Variants in TENM3 observed in about 807,000 individuals in gnomAD.
TENM3 encodes teneurin transmembrane protein 3.
In TENM3, 63 loss-of-function variants were observed where a neutral mutation model predicts 255.1. That is an observed-to-expected ratio of 0.25 (90% CI 0.20 to 0.30). The LOEUF (loss-of-function observed/expected upper bound fraction) is 0.30, where lower values mean the gene tolerates loss of function less well. Among genes scored for constraint, TENM3 ranks in the 10% least tolerant of loss-of-function variants. TENM3 has a pLI of 1.00. For missense variants in TENM3, 2,929 were observed against 3,461.1 expected (o/e 0.85, Z 3.86); for synonymous variants, 1,306 against 1,322.3 (o/e 0.99, Z 0.27).
chr4:182,218,854 T>C (rs181822568), intron 1 of TENM3, among the ~76,000 whole-genome samples: 2 of 152,356 alleles, frequency 1.3e-5, no homozygotes, highest in East Asian at 1.9e-4. Flanking sequence ...TATACTGATA[T>C]TAGTAAGAAA....
chr4:182,553,519 TAAAGTA>T (rs1029770669), intron 3 of TENM3, among the ~76,000 whole-genome samples: 3 of 151,302 alleles, frequency 2.0e-5, no homozygotes, highest in Non-Finnish European at 4.4e-5. Context: ...CCCTAGAACT[TAAAGTA>T]TAATAATAAT....
the TENM3 span, among the ~76,000 whole-genome samples, chr4:182,009,837 G>C: frequency 6.6e-6 from 1 of 152,194 alleles, no homozygotes; most frequent in East Asian, 1.9e-4. Flanking sequence ...CGGTGGCCTG[G>C]GTTCGCGAGT....
At chr4:181,979,097 CATATATATATATATATATATATATAT>C in the TENM3 span, among the ~76,000 whole-genome samples, 438 of 30,386 alleles carry the variant, frequency 0.014, 17 homozygotes, top group Admixed American at 0.022. Context: ...TTAAGCCTGA[CATATATATATATATATATATATATAT>C]ATATATATAT....
chr4:182,638,942 A>G (rs1752070128), intron 5 of TENM3, among the ~76,000 whole-genome samples: 1 of 152,236 alleles, frequency 6.6e-6, no homozygotes, highest in Admixed American at 6.5e-5. Flanking sequence ...AGATTACTGC[A>G]TATAATTTGT....
the TENM3 span, among the ~76,000 whole-genome samples, chr4:181,961,833 A>G: frequency 6.6e-6 from 1 of 152,156 alleles, no homozygotes; most frequent in African/African-American, 2.4e-5. Context: ...GAGTAAAGAT[A>G]TTGTTTGTTC....
chr4:182,657,218 A>T (rs960782427), intron 6 of TENM3, among the ~76,000 whole-genome samples: 2 of 152,140 alleles, frequency 1.3e-5, no homozygotes, highest in Non-Finnish European at 2.9e-5. Context: ...GAATAATAGT[A>T]CCTATCTCCT....
the TENM3 span, among the ~76,000 whole-genome samples, chr4:181,685,248 A>G: frequency 6.6e-6 from 1 of 152,136 alleles, no homozygotes; most frequent in African/African-American, 2.4e-5. Flanking sequence ...TTGCTCATTT[A>G]GTCCTAATGT....
Position 182,601,068 on chromosome 4 carries a change from C to T in TENM3, c.656C>T (p.Pro219Leu), listed in dbSNP as rs751685257. Residue 219 changes from proline to leucine, a missense_variant, in exon 4 of 28, where the codon CCG (proline) becomes CTG (leucine). Coordinates refer to ENST00000511685, the MANE Select transcript of TENM3 (RefSeq NM_001080477.4). ...AGAAGGAACCAGAGTCCGGCCCCGC[C>T]GGCTGCTTTGCCCGCCGAGCTGCAA... ...TNRRNQSPAP[P>L]AALPAELQTT... is the part of the protein sequence containing the mutation. The T allele has an allele frequency of 1.9e-5, 31 of 1,613,668 alleles. No homozygotes were observed. Among genetic ancestry groups the T allele is most frequent in the Admixed American group, 8.3e-5 (5 of 59,994 alleles).
At chr4:181,590,642 A>G in the TENM3 span, among the ~76,000 whole-genome samples, 4 of 152,246 alleles carry the variant, frequency 2.6e-5, no homozygotes, top group Admixed American at 2.6e-4. Context: ...AGTGAAGAAG[A>G]CACAGAAAAC....
chr4:181,471,120 A>C, the TENM3 span, among the ~76,000 whole-genome samples: 6 of 152,190 alleles, frequency 3.9e-5, no homozygotes, highest in Non-Finnish European at 5.9e-5. Flanking sequence ...TTATCTTATT[A>C]TCTTCCACAT....
At chr4:181,574,011 T>C in the TENM3 span, among the ~76,000 whole-genome samples, 5 of 152,178 alleles carry the variant, frequency 3.3e-5, no homozygotes, top group African/African-American at 9.7e-5. Context: ...GATGTATTCA[T>C]AAATCTTACA....
intron 1 of TENM3, among the ~76,000 whole-genome samples, chr4:182,220,404 T>G (rs1156686898): frequency 5.2e-5 from 4 of 77,386 alleles, no homozygotes; most frequent in South Asian, 5.0e-4. Flanking sequence ...AAAAAAAAAG[T>G]CGGCTTGATA....
intron 3 of TENM3, among the ~76,000 whole-genome samples, chr4:182,599,025 C>T (rs963095993): frequency 6.6e-6 from 1 of 152,080 alleles, no homozygotes; most frequent in Non-Finnish European, 1.5e-5. Flanking sequence ...TTACTTTTTC[C>T]TTGGAAACAT....
chr4:181,853,746 T>C, the TENM3 span, among the ~76,000 whole-genome samples: 1 of 151,770 alleles, frequency 6.6e-6, no homozygotes, highest in East Asian at 1.9e-4. Context: ...AAAGGAAATA[T>C]ACTGGGGGAA....
chr4:181,599,115 G>T, the TENM3 span, among the ~76,000 whole-genome samples: 34 of 152,184 alleles, frequency 2.2e-4, no homozygotes, highest in African/African-American at 7.9e-4. Context: ...CAAAAATATC[G>T]AGTTATCCCC....
chr4:181,928,527 T>A, the TENM3 span, among the ~76,000 whole-genome samples: 3 of 150,782 alleles, frequency 2.0e-5, no homozygotes, highest in Admixed American at 2.0e-4. Context: ...AATATGGGAC[T>A]ACGTGAAAAG....
chr4:181,498,589 G>T, the TENM3 span, among the ~76,000 whole-genome samples: 1 of 152,224 alleles, frequency 6.6e-6, no homozygotes, highest in Non-Finnish European at 1.5e-5. Flanking sequence ...CTAACATGTG[G>T]AGCGGGGAGA....
At chr4:182,784,365 C>T (rs891028952) in intron 24 of TENM3, among the ~76,000 whole-genome samples, 12 of 151,914 alleles carry the variant, frequency 7.9e-5, no homozygotes, top group African/African-American at 2.7e-4. Context: ...TTAGGCTGCT[C>T]AGGGGTCAGG....
At chr4:182,367,509 G>C (rs769256933) in intron 3 of TENM3, among the ~76,000 whole-genome samples, 1 of 152,144 alleles carries the variant, frequency 6.6e-6, no homozygotes, top group East Asian at 1.9e-4. Context: ...ATAAGAAGGC[G>C]TCACATCGTG....
Sources: allele counts gnomAD v4.1 joint callset (sites outside exome capture counted in the v4.1 genomes callset), GRCh38; gene constraint gnomAD v4.1.1; transcripts MANE v1.5; gene names NCBI Gene and HGNC (gene_info 2026-07-23, HGNC 2026-07-21).